The following RB1CC1 variants were observed in gnomAD, a reference collection of about 807,000 sequenced individuals.
RB1CC1 encodes RB1-inducible coiled-coil protein 1.
A neutral mutation model predicts 177.5 loss-of-function variants in RB1CC1; 46 were observed. The observed-to-expected ratio is 0.26, with a 90% CI of 0.20 to 0.33. The LOEUF is 0.33. Among genes scored for constraint, RB1CC1 ranks in the 10% least tolerant of loss-of-function variants. The pLI is 1.00. For synonymous variants in RB1CC1, 666 were observed against 613.6 expected (o/e 1.09, Z -1.26); for missense variants, 1,703 against 1,816.3 (o/e 0.94, Z 1.13).
At chr8:52,695,228 T>C (rs1252704258) in intron 1 of RB1CC1, among the ~76,000 whole-genome samples, 1 of 152,238 alleles carries the variant, frequency 6.6e-6, no homozygotes, top group African/African-American at 2.4e-5. Flanking sequence ...AAAAGTACTT[T>C]AGAAATACTA....
intron 8 of RB1CC1, among the ~76,000 whole-genome samples, chr8:52,666,109 T>C (rs1852041724): frequency 6.6e-6 from 1 of 151,948 alleles, no homozygotes; most frequent in Admixed American, 6.6e-5. Context: ...AAAGCAAACA[T>C]AAATTATCTG....
chr8:52,660,949 CTTT>C lies in RB1CC1; in HGVS notation c.1601_1603del (p.Lys534del), dbSNP rs766122774. ...ACTAAATAATTTCCCAAAGGATTCC[CTTT>C]TTGATTTTTCTGCTTCATATAATCT... On this transcript the variant is annotated inframe_deletion, in exon 11 of 24. Transcript: ENST00000025008. 6.2e-7 allele frequency: 1 copy of C among 1,612,448 alleles called. No individual in the cohort carries two copies. The highest frequency in any genetic ancestry group is 8.5e-7 in the Non-Finnish European group (1 of 1,179,022).
intron 15 of RB1CC1, among the ~76,000 whole-genome samples, chr8:52,655,015 G>A (rs533561625): frequency 6.6e-6 from 1 of 152,198 alleles, no homozygotes; most frequent in South Asian, 2.1e-4. Context: ...ACTGCTTTAA[G>A]TACTGTCCAT....
intron 2 of RB1CC1, chr8:52,685,898 A>G (rs1854236962): frequency 6.5e-6 from 1 of 152,842 alleles, no homozygotes; most frequent in African/African-American, 2.4e-5. Flanking sequence ...TTCTTCCTCA[A>G]CATAATAAAA....
intron 1 of RB1CC1, among the ~76,000 whole-genome samples, chr8:52,695,885 G>A (rs960930348): frequency 4.6e-5 from 7 of 152,146 alleles, no homozygotes; most frequent in Admixed American, 3.3e-4. Flanking sequence ...CCAAAGAGAG[G>A]GTGGATATGG....
At position 52,623,777 on chromosome 8, in the gene RB1CC1, AT is replaced by A; in HGVS notation, c.*4del. On this transcript the variant is annotated 3_prime_UTR_variant, in exon 24 of 24. Coordinates refer to ENST00000025008, the MANE Select transcript of RB1CC1 (RefSeq NM_014781.5). Reference sequence around the variant, plus strand: ...GTCATAGAATGTATTAATTTTGTCCATAAGTTATACTTTCTTATTCCATGAT... The same window carrying A: ...GTCATAGAATGTATTAATTTTGTCCAAAGTTATACTTTCTTATTCCATGAT... 1 of 1,581,910 alleles carries A rather than the reference AT, an allele frequency of 6.3e-7. No homozygotes were observed. Among genetic ancestry groups the A allele is most frequent in the Non-Finnish European group, 8.7e-7 (1 of 1,151,334 alleles).
At chr8:52,668,618 C>T (rs1397500654) in intron 7 of RB1CC1, among the ~76,000 whole-genome samples, 1 of 152,144 alleles carries the variant, frequency 6.6e-6, no homozygotes, top group African/African-American at 2.4e-5. Context: ...TCTATCTCCT[C>T]AACGAATCGG....
intron 5 of RB1CC1, among the ~76,000 whole-genome samples, chr8:52,680,394 A>T (rs1853584070): frequency 6.6e-6 from 1 of 152,228 alleles, no homozygotes; most frequent in African/African-American, 2.4e-5. Flanking sequence ...GACAAGTGAA[A>T]TTAATAGAAT....
At chr8:52,635,087 G>A in intron 19 of RB1CC1, 119 bp from the exon 20 acceptor site, 1 of 809,598 alleles carries the variant, frequency 1.2e-6, no homozygotes, top group East Asian at 2.8e-5. Context: ...AAAAGTTGAT[G>A]GGGATATTAT....
intron 20 of RB1CC1, among the ~76,000 whole-genome samples, chr8:52,632,086 T>C (rs564821834): frequency 2.0e-5 from 3 of 152,316 alleles, no homozygotes; most frequent in South Asian, 4.1e-4. Context: ...AATCAAATGG[T>C]ACTTGCTAGC....
chr8:52,627,885 A>C, intron 22 of RB1CC1, 147 bp downstream of exon 22: 1 of 637,252 alleles, frequency 1.6e-6, no homozygotes, highest in Non-Finnish European at 2.5e-6. Context: ...AATAATCTAG[A>C]TAATACAGAT....
Position 52,645,301 on chromosome 8 carries a change from A to G in RB1CC1, c.3987+401T>C, listed in dbSNP as rs547595995. The stretch of plus-strand genomic sequence containing the variant: ...TTTAGAGAATTTGAAGCTTAGAGAA[A>G]AAATAAAATCATTTTTTAAATTAAA... On this transcript the variant is annotated intron_variant, in intron 16 of 23. Transcript: ENST00000025008. Among the ~76,000 whole-genome samples, 3 of 152,354 alleles carry G rather than the reference A, an allele frequency of 2.0e-5. No individual in the cohort carries two copies. In the South Asian group the frequency reaches 6.2e-4, roughly 32 times the overall value.
chr8:52,685,100 T>G (rs1591082150), intron 3 of RB1CC1, among the ~76,000 whole-genome samples: 1 of 147,508 alleles, frequency 6.8e-6, no homozygotes, highest in African/African-American at 2.5e-5. Flanking sequence ...CCCCCCGGGG[T>G]TCAAGTGATT....
At chr8:52,688,358 G>A (rs556394215) in intron 1 of RB1CC1, among the ~76,000 whole-genome samples, 1 of 152,252 alleles carries the variant, frequency 6.6e-6, no homozygotes, top group East Asian at 1.9e-4. Context: ...AATACCCTGG[G>A]AAAGGAATGC....
chr8:52,688,059 G>T (rs1854439723), intron 1 of RB1CC1, among the ~76,000 whole-genome samples: 1 of 152,144 alleles, frequency 6.6e-6, no homozygotes, highest in Non-Finnish European at 1.5e-5. Flanking sequence ...TCTTAATCCT[G>T]TTATCTTCGT....
intron 2 of RB1CC1, among the ~76,000 whole-genome samples, chr8:52,686,617 T>C (rs574618136): frequency 1.5e-4 from 23 of 152,264 alleles, no homozygotes; most frequent in African/African-American, 5.1e-4. Context: ...GGTCTAGCAT[T>C]TTACTTTCAA....
At chr8:52,689,767 T>A (rs1345914422) in intron 1 of RB1CC1, among the ~76,000 whole-genome samples, 1 of 152,070 alleles carries the variant, frequency 6.6e-6, no homozygotes, top group African/African-American at 2.4e-5. Context: ...ACGCTTAGGA[T>A]TCTATTTGCC....
At chr8:52,657,949 CA>C in intron 14 of RB1CC1, 41 bp from the exon 15 acceptor site, 1 of 1,612,632 alleles carries the variant, frequency 6.2e-7, no homozygotes, top group Non-Finnish European at 8.5e-7. Context: ...TGCAGGAACA[CA>C]AACATTTTAC....
chr8:52,643,034 A>C (rs1849710297), intron 16 of RB1CC1: 1 of 387,378 alleles, frequency 2.6e-6, no homozygotes, highest in Non-Finnish European at 4.3e-6. Context: ...CTATTTTCTT[A>C]TTATTGTCCA....
Sources: gnomAD v4.1 joint callset for allele counts (sites outside exome capture counted in the v4.1 genomes callset) on GRCh38, gnomAD v4.1.1 for gene constraint, MANE v1.5 for transcripts, NCBI Gene and HGNC (gene_info 2026-07-23, HGNC 2026-07-21) for gene names.